Variants in ARHGEF28 observed in about 807,000 individuals in gnomAD.
The protein encoded by ARHGEF28 is Rho guanine nucleotide exchange factor 28, also known as 190 kDa guanine nucleotide exchange factor.
In ARHGEF28, 152 loss-of-function variants were observed where a neutral mutation model predicts 206.6. The observed-to-expected ratio is 0.74, with a 90% CI of 0.64 to 0.84. The LOEUF (loss-of-function observed/expected upper bound fraction) is 0.84, where lower values mean the gene tolerates loss of function less well. ARHGEF28 is among the 40% of genes least tolerant of loss of function. The pLI, the probability that ARHGEF28 is intolerant of heterozygous loss-of-function variation, is 0.00. For synonymous variants in ARHGEF28, 763 were observed against 776.4 expected, an observed-to-expected ratio of 0.98 and a Z score of 0.29; for missense variants, 2,028 against 2,073.2, an observed-to-expected ratio of 0.98 and a Z score of 0.42.
At chr5:73,901,508 A>G in intron 31 of ARHGEF28, 1 of 364,104 alleles carries the variant, frequency 2.7e-6, no homozygotes, top group South Asian at 2.8e-5. Context: ...TTGAAAAGTT[A>G]TTAAAAAGAT....
At position 73,860,306 on chromosome 5, in the gene ARHGEF28, G is replaced by T. The variant is rs142819628; in HGVS notation, c.2047+2087G>T. 1.8e-3 allele frequency among the ~76,000 whole-genome samples: 270 copies of T among 152,216 alleles called. 9 individuals are homozygous for T. The East Asian group carries it at 0.044, about 25-fold the overall frequency. ...TATTTCCATATTCAGTTGCCCAGAG[G>T]CTGAGTACCCATGTAATTTATGGCC... On this transcript the variant is annotated intron_variant, in intron 16 of 35. Coordinates refer to ENST00000513042, the MANE Select transcript of ARHGEF28 (RefSeq NM_001177693.2).
intron 1 of ARHGEF28, among the ~76,000 whole-genome samples, chr5:73,675,585 T>C (rs866821231): frequency 2.6e-5 from 4 of 151,674 alleles, no homozygotes; most frequent in Non-Finnish European, 4.4e-5. Context: ...ACAAAAAAAT[T>C]AGCTGGGCGT....
intron 7 of ARHGEF28, 74 bp from the exon 8 acceptor site, chr5:73,794,328 T>G: frequency 1.6e-6 from 2 of 1,244,832 alleles, no homozygotes; most frequent in Non-Finnish European, 2.2e-6. Flanking sequence ...TCATTTACAC[T>G]TGTCAGCTAG....
chr5:73,849,104 A>G lies in ARHGEF28; in HGVS notation c.1747+17A>G. 1.3e-6 allele frequency: 2 copies of G among 1,516,628 alleles called. No homozygotes were observed. The highest frequency in any genetic ancestry group is 1.8e-6 in the Non-Finnish European group (2 of 1,113,912). The allele number at this position is 1,516,628 out of a possible 1,614,324, so 93.9% of individuals were successfully genotyped here. On this transcript the variant is annotated intron_variant, in intron 13 of 35. Transcript: ENST00000513042. ...CAAGTGAAGGTAAGCATCATTTAACATTTGGCTTTGAAAACACTCTATTCC... is the reference window on the plus strand; with the variant it reads ...CAAGTGAAGGTAAGCATCATTTAACGTTTGGCTTTGAAAACACTCTATTCC...
chr5:73,732,557 T>A (rs1267721651), intron 2 of ARHGEF28, among the ~76,000 whole-genome samples: 8 of 152,214 alleles, frequency 5.3e-5, no homozygotes, highest in East Asian at 1.9e-4. Context: ...CAGGTTTTTG[T>A]ATGATGTAAG....
intron 9 of ARHGEF28, chr5:73,813,552 C>T: frequency 6.5e-7 from 1 of 1,534,938 alleles, no homozygotes; most frequent in Non-Finnish European, 8.7e-7. Context: ...TCCTGAGTCT[C>T]TACTGTTTCA....
chr5:73,852,798 T>G lies in ARHGEF28; in HGVS notation c.1790+106T>G. ...TTCACTAGTTCATGAGAGGTTTCCA[T>G]GTAACAAGCCTGCCTAAGACCCTTT... On this transcript the variant is annotated intron_variant, in intron 14 of 35. Coordinates refer to ENST00000513042, the MANE Select transcript of ARHGEF28 (RefSeq NM_001177693.2). The G allele has an allele frequency of 3.3e-6, 4 of 1,220,242 alleles. No homozygotes were observed. The South Asian group carries it at 4.9e-5, about 15-fold the overall frequency. 75.6% of individuals were successfully genotyped at this position (1,220,242 alleles called of 1,614,324 possible). A position where few individuals can be genotyped will look rare whatever the true frequency, so the allele number is the denominator to read the frequency against.
At chr5:73,917,632 G>C (rs948356762) in intron 35 of ARHGEF28, among the ~76,000 whole-genome samples, 1 of 152,152 alleles carries the variant, frequency 6.6e-6, no homozygotes, top group Admixed American at 6.5e-5. Flanking sequence ...ACCAGCAGGT[G>C]GGTGGATTCA....
At chr5:73,857,574 C>G in intron 14 of ARHGEF28, 82 bp from the exon 15 acceptor site, 1 of 1,379,864 alleles carries the variant, frequency 7.2e-7, no homozygotes. Flanking sequence ...TACACACACA[C>G]ACACACACAC....
intron 35 of ARHGEF28, 43 bp from the exon 36 acceptor site, chr5:73,940,801 T>A (rs1400775906): frequency 7.2e-7 from 1 of 1,396,206 alleles, no homozygotes; most frequent in Non-Finnish European, 9.3e-7. Context: ...GCCTTGTACA[T>A]CTCAGGTGGC....
rs979400878 is a variant in ARHGEF28, at chr5:73,647,580, G to A, written c.-12+21258G>A. Among the ~76,000 whole-genome samples the A allele has an allele frequency of 2.6e-5, 4 of 152,336 alleles. No individual in the cohort carries two copies. In the South Asian group the frequency reaches 8.3e-4, roughly 32 times the overall value. ...AAAAGTGGTAGGTGAAAGTAATCCA[G>A]TATTTTTAACCTACTATATCTAAAA... is the stretch of plus-strand genomic sequence containing the variant. On this transcript the variant is annotated intron_variant, in intron 1 of 35. Transcript: ENST00000513042.
At chr5:73,882,174 T>C (rs1157083978) in intron 22 of ARHGEF28, among the ~76,000 whole-genome samples, 1 of 152,204 alleles carries the variant, frequency 6.6e-6, no homozygotes, top group Non-Finnish European at 1.5e-5. Context: ...AAATTGAAAT[T>C]ATAAATTTGT....
intron 13 of ARHGEF28, among the ~76,000 whole-genome samples, chr5:73,852,019 T>C (rs1758733212): frequency 6.6e-6 from 1 of 152,100 alleles, no homozygotes; most frequent in Non-Finnish European, 1.5e-5. Flanking sequence ...TAAATCAGTG[T>C]CTCTACTCCA....
intron 2 of ARHGEF28, among the ~76,000 whole-genome samples, chr5:73,745,383 G>T (rs1451775582): frequency 6.6e-6 from 1 of 151,960 alleles, no homozygotes; most frequent in South Asian, 2.1e-4. Context: ...ATACCATCTG[G>T]AAAGGAATAG....
intron 12 of ARHGEF28, among the ~76,000 whole-genome samples, chr5:73,847,745 AT>A (rs1189371300): frequency 6.6e-6 from 1 of 152,120 alleles, no homozygotes; most frequent in Non-Finnish European, 1.5e-5. Flanking sequence ...GTTTTGGACA[AT>A]TTTCAAAGTT....
chr5:73,656,480 G>A (rs1745209212), intron 1 of ARHGEF28, among the ~76,000 whole-genome samples: 1 of 152,032 alleles, frequency 6.6e-6, no homozygotes, highest in African/African-American at 2.4e-5. Context: ...ATATCCCACT[G>A]CCAAATTGTC....
At position 73,869,569 on chromosome 5, in the gene ARHGEF28, G is replaced by A. The variant is rs559336345; in HGVS notation, c.2426-500G>A. ...TAAATATTTGATTCTTTGCTGTCAT[G>A]AAAGCTGTCTTAATTTGGACCATTT... is the stretch of plus-strand genomic sequence containing the variant. On this transcript the variant is annotated intron_variant, in intron 20 of 35. Transcript: ENST00000513042. 3.3e-5 allele frequency among the ~76,000 whole-genome samples: 5 copies of A among 152,260 alleles called. No individual in the cohort carries two copies. The South Asian group carries it at 8.3e-4, about 25-fold the overall frequency.
chr5:73,893,280 A>T lies in ARHGEF28; in HGVS notation c.3650A>T (p.Gln1217Leu). The change falls in exon 28 of 36, where the codon CAA becomes CTA. Residue 1217 changes from glutamine to leucine, a missense_variant. This residue lies in a region of ARHGEF28 where 803 missense variants were observed against 768.0 expected (regional missense o/e 1.05). Transcript: ENST00000513042. ...KAEARVAKIQ[Q>L]CQEILTNQDQ... ...GAAGCCAGAGTGGCCAAAATTCAGC[A>T]ATGTCAAGGTACAGTGCAGGCACTT... is the stretch of plus-strand genomic sequence containing the variant. 1 of 1,553,386 alleles carries T rather than the reference A, an allele frequency of 6.4e-7. No individual in the cohort carries two copies. The highest frequency in any genetic ancestry group is 8.7e-7 in the Non-Finnish European group (1 of 1,148,614).
chr5:73,692,161 A>G (rs1747871834), intron 2 of ARHGEF28, among the ~76,000 whole-genome samples: 1 of 152,192 alleles, frequency 6.6e-6, no homozygotes, highest in Non-Finnish European at 1.5e-5. Context: ...AAGGGTTAGA[A>G]GTGTCCTTTA....
Sources: gnomAD v4.1 joint callset for allele counts (sites outside exome capture counted in the v4.1 genomes callset) on GRCh38, gnomAD v4.1.1 for gene constraint, gnomAD v4.1.1 regional missense constraint, MANE v1.5 for transcripts, NCBI Gene and HGNC (gene_info 2026-07-23, HGNC 2026-07-21) for gene names.